RNF150: variants seen among roughly 807,000 people sequenced by gnomAD.
The protein encoded by RNF150 is ring finger protein 150.
Under a neutral mutation model 39.3 loss-of-function variants are expected in RNF150, and 24 were observed. The ratio of observed to expected loss-of-function variants is 0.61; its 90% confidence interval spans 0.44 to 0.86. The LOEUF (loss-of-function observed/expected upper bound fraction) is 0.86. Ranked by LOEUF, RNF150 falls within the 40% of genes least tolerant of loss-of-function variation. The probability of loss-of-function intolerance (pLI) is 0.00; values close to 1 mark genes in which losing one functional copy is unlikely to be tolerated. For missense variants in RNF150, 502 were observed against 587.8 expected, an observed-to-expected ratio of 0.85 and a Z score of 1.51; for synonymous variants, 255 against 227.3, an observed-to-expected ratio of 1.12 and a Z score of -1.10.
At chr4:141,046,098 T>C (rs1281940580) in intron 1 of RNF150, among the ~76,000 whole-genome samples, 4 of 152,096 alleles carry the variant, frequency 2.6e-5, no homozygotes, top group Non-Finnish European at 5.9e-5. Flanking sequence ...ATATAGAAGA[T>C]GGACAGAAAT....
chr4:140,978,058 A>G (rs141540902), intron 1 of RNF150, among the ~76,000 whole-genome samples: 255 of 152,324 alleles, frequency 1.7e-3, no homozygotes, highest in African/African-American at 5.9e-3. Context: ...AAAAACTTAA[A>G]TTGATAGGAC....
intron 1 of RNF150, among the ~76,000 whole-genome samples, chr4:141,192,250 T>A (rs1002112843): frequency 6.6e-6 from 1 of 152,192 alleles, no homozygotes; most frequent in African/African-American, 2.4e-5. Context: ...TCTTAATATC[T>A]TCTCCTCATT....
intron 5 of RNF150, among the ~76,000 whole-genome samples, chr4:140,917,657 C>G (rs969761561): frequency 6.6e-6 from 1 of 152,148 alleles, no homozygotes; most frequent in African/African-American, 2.4e-5. Flanking sequence ...CAAGGATACC[C>G]AAGAATTGAA....
rs193261543 is a variant in RNF150 at position 141,192,695 on chromosome 4, G to A, written c.-6+20099C>T. ...CCTTCATATCCCGCACAACGCAGAA[G>A]CAAAAGTCCTATCACCAACAACACC... On this transcript the variant is annotated intron_variant, in intron 1 of 7. Transcript: ENST00000420921. Among the ~76,000 whole-genome samples, 319 of 152,294 alleles carry A rather than the reference G, an allele frequency of 2.1e-3. 1 individual carries two copies. The highest frequency in any genetic ancestry group is 3.6e-3 in the Non-Finnish European group (243 of 68,022).
intron 1 of RNF150, among the ~76,000 whole-genome samples, chr4:141,129,736 G>A (rs1282517689): frequency 6.6e-6 from 1 of 152,058 alleles, no homozygotes; most frequent in Admixed American, 6.6e-5. Flanking sequence ...ATAAGTGGCA[G>A]AAAATCAAAA....
At chr4:141,133,940 AT>A (rs1726978240), upstream of RNF150, among the ~76,000 whole-genome samples, 1 of 152,126 alleles carries the variant, frequency 6.6e-6, no homozygotes, top group African/African-American at 2.4e-5. Flanking sequence ...GGCCCCAAAA[AT>A]ATGCATTTCT....
At chr4:140,894,081 G>A (rs1729854308) in intron 6 of RNF150, among the ~76,000 whole-genome samples, 1 of 152,144 alleles carries the variant, frequency 6.6e-6, no homozygotes, top group Non-Finnish European at 1.5e-5. Context: ...AATCCCTTAT[G>A]TAGACAAAGC....
At chr4:140,884,561 C>G (rs573078195) in intron 6 of RNF150, among the ~76,000 whole-genome samples, 7 of 152,286 alleles carry the variant, frequency 4.6e-5, no homozygotes, top group Non-Finnish European at 8.8e-5. Flanking sequence ...CAGTTTTACT[C>G]AGAAGCTTCC....
intron 1 of RNF150, among the ~76,000 whole-genome samples, chr4:141,175,663 A>G (rs1727797087): frequency 6.6e-6 from 1 of 152,212 alleles, no homozygotes. Flanking sequence ...CACTCAGAAC[A>G]TCGGATCTAT....
intron 1 of RNF150, among the ~76,000 whole-genome samples, chr4:141,100,139 A>G (rs1738955667): frequency 6.6e-6 from 1 of 152,226 alleles, no homozygotes; most frequent in Non-Finnish European, 1.5e-5. Flanking sequence ...TCAAGGGACT[A>G]GGAGTTCCCA....
At chr4:141,140,481 C>T (rs572373211) in intron 1 of RNF150, among the ~76,000 whole-genome samples, 1 of 152,310 alleles carries the variant, frequency 6.6e-6, no homozygotes, top group Non-Finnish European at 1.5e-5. Flanking sequence ...AAACTCTCAC[C>T]ACAATACATC....
At chr4:141,068,677 C>A (rs958572392) in intron 1 of RNF150, among the ~76,000 whole-genome samples, 7 of 150,422 alleles carry the variant, frequency 4.7e-5, no homozygotes, top group African/African-American at 1.7e-4. Context: ...GGTATTGATT[C>A]TTCCTACCCA....
intron 1 of RNF150, among the ~76,000 whole-genome samples, chr4:141,206,262 T>C (rs1440957709): frequency 6.6e-6 from 1 of 151,504 alleles, no homozygotes; most frequent in Non-Finnish European, 1.5e-5. Flanking sequence ...CTACTAAAAA[T>C]ACAAAAATTA....
chr4:140,934,761 G>A (rs1362714854), intron 4 of RNF150, among the ~76,000 whole-genome samples: 1 of 151,650 alleles, frequency 6.6e-6, no homozygotes, highest in Non-Finnish European at 1.5e-5. Context: ...TGGCTATGGT[G>A]TCAACTCCAC....
intron 6 of RNF150, among the ~76,000 whole-genome samples, chr4:140,894,534 C>G (rs1056445270): frequency 2.0e-5 from 3 of 152,178 alleles, no homozygotes; most frequent in African/African-American, 7.2e-5. Flanking sequence ...TTTTTAAACT[C>G]CATAAATATT....
intron 1 of RNF150, among the ~76,000 whole-genome samples, chr4:141,197,209 C>T (rs997031322): frequency 5.9e-5 from 9 of 151,984 alleles, no homozygotes; most frequent in African/African-American, 1.2e-4. Context: ...AATTCAATTT[C>T]GAATGTCTTC....
Position 141,185,757 on chromosome 4 carries a change from C to T in RNF150, c.-6+27037G>A, listed in dbSNP as rs551787965. 2.0e-4 allele frequency among the ~76,000 whole-genome samples: 30 copies of T among 152,256 alleles called. No homozygotes were observed. In the South Asian group the frequency reaches 3.7e-3, roughly 19 times the overall value. On this transcript the variant is annotated intron_variant, in intron 1 of 7. Coordinates refer to the RNF150 transcript ENST00000420921. ...AGCATGAAGGGGTGTTGAATTTTAT[C>T]GAAAGCCTTTTCTGCATCTATTGAG... is the stretch of plus-strand genomic sequence containing the variant.
At chr4:141,100,809 T>C (rs1290159447) in intron 1 of RNF150, among the ~76,000 whole-genome samples, 11 of 152,218 alleles carry the variant, frequency 7.2e-5, no homozygotes, top group African/African-American at 2.7e-4. Context: ...GTATTGCCTA[T>C]TGCTCCTAGG....
In RNF150 at chr4:140,863,609, G is replaced by A. The variant is rs1388952273; in HGVS notation, c.*4652C>T. The A allele has an allele frequency of 6.6e-6, 1 of 152,152 alleles. No homozygotes were observed. Among genetic ancestry groups the A allele is most frequent in the East Asian group, 1.9e-4 (1 of 5,198 alleles). The allele number at this position is 152,152 out of a possible 1,614,324, so 9.4% of individuals were successfully genotyped here. The stretch of plus-strand genomic sequence containing the variant: ...AGAGAGAAAACAAATCAGAAAAAAA[G>A]GGGAAGAGAGAAGATGGGAAAATAA... On this transcript the variant is annotated 3_prime_UTR_variant, in exon 7 of 7. Coordinates refer to ENST00000515673, the MANE Select transcript of RNF150 (RefSeq NM_020724.2).
Sources: allele counts gnomAD v4.1 joint callset (sites outside exome capture counted in the v4.1 genomes callset), GRCh38; gene constraint gnomAD v4.1.1; transcripts MANE v1.5; gene names NCBI Gene and HGNC (gene_info 2026-07-23, HGNC 2026-07-21).